The following LIN28B variants were observed in gnomAD, a reference collection of about 807,000 sequenced individuals.
LIN28B encodes the protein lin-28 RNA binding posttranscriptional regulator B.
A neutral mutation model predicts 21.9 loss-of-function variants in LIN28B; 5 were observed. That is an observed-to-expected ratio of 0.23 (90% confidence interval 0.12 to 0.48). The LOEUF (loss-of-function observed/expected upper bound fraction) is 0.48. Among genes scored for constraint, LIN28B ranks in the 20% least tolerant of loss-of-function variants. The probability of loss-of-function intolerance (pLI) is 0.98; values close to 1 mark genes in which losing one functional copy is unlikely to be tolerated. For synonymous variants in LIN28B, 109 were observed against 111.3 expected (o/e 0.98, Z 0.13); for missense variants, 245 against 310.5 (o/e 0.79, Z 1.58).
Position 105,082,913 on chromosome 6 carries a change from C to T in LIN28B, c.*4130C>T, listed in dbSNP as rs544093659. ...CACATCTATCAACCACTGGCACCTA[C>T]CACCAAGCTGGCTTCAATTAGTATG... On this transcript the variant is annotated 3_prime_UTR_variant, in exon 4 of 4. Transcript: ENST00000345080. 7.2e-5 allele frequency: 11 copies of T among 152,768 alleles called. No homozygotes were observed. In the South Asian group the frequency reaches 2.1e-3, roughly 29 times the overall value. The allele number at this position is 152,768 out of a possible 1,614,324, so 9.5% of individuals were successfully genotyped here.
intron 2 of LIN28B, among the ~76,000 whole-genome samples, chr6:104,985,840 GGT>G (rs1170984126): frequency 2.6e-5 from 4 of 152,046 alleles, no homozygotes; most frequent in African/African-American, 9.7e-5. Context: ...TAGATGTCAA[GGT>G]TTATTTGTTT....
chr6:104,938,002 C>A (rs1261404801), intron 2 of LIN28B, among the ~76,000 whole-genome samples: 1 of 121,404 alleles, frequency 8.2e-6, no homozygotes, highest in African/African-American at 3.2e-5. Context: ...TATCTTGCCA[C>A]CAGAAGTCTG....
intron 3 of LIN28B, among the ~76,000 whole-genome samples, chr6:105,056,064 G>C (rs941001483): frequency 6.6e-6 from 1 of 151,386 alleles, no homozygotes; most frequent in Non-Finnish European, 1.5e-5. Flanking sequence ...CCCAGCCTCT[G>C]TTTTTATTTT....
At chr6:104,972,411 A>G (rs1770000053) in intron 2 of LIN28B, among the ~76,000 whole-genome samples, 1 of 152,210 alleles carries the variant, frequency 6.6e-6, no homozygotes, top group African/African-American at 2.4e-5. Flanking sequence ...TTTGGAAGTG[A>G]AAGGGGAAAA....
At chr6:105,031,235 C>A (rs1771416049) in intron 3 of LIN28B, among the ~76,000 whole-genome samples, 1 of 151,964 alleles carries the variant, frequency 6.6e-6, no homozygotes, top group African/African-American at 2.4e-5. Context: ...TTTTACTGGT[C>A]AAATTTCCCA....
chr6:105,001,449 G>T (rs1455540742), intron 2 of LIN28B, among the ~76,000 whole-genome samples: 4 of 152,188 alleles, frequency 2.6e-5, no homozygotes, highest in Non-Finnish European at 5.9e-5. Context: ...TCAGAGCTAG[G>T]TGAGAAAGCT....
chr6:104,973,544 C>T (rs1344355029), intron 2 of LIN28B, among the ~76,000 whole-genome samples: 13 of 152,168 alleles, frequency 8.5e-5, no homozygotes, highest in Non-Finnish European at 1.5e-5. Context: ...CCCCCCACTC[C>T]CCTTTGGGAA....
chr6:104,975,878 C>T (rs540529113), intron 2 of LIN28B, among the ~76,000 whole-genome samples: 95 of 148,286 alleles, frequency 6.4e-4, no homozygotes, highest in East Asian at 5.9e-4. Context: ...GGTTTCACCA[C>T]GTCGTCCAGG....
intron 3 of LIN28B, among the ~76,000 whole-genome samples, chr6:105,034,430 T>A (rs140477127): frequency 6.6e-6 from 1 of 152,148 alleles, no homozygotes; most frequent in Non-Finnish European, 1.5e-5. Flanking sequence ...TAATATATTT[T>A]GTTTAGAAAG....
rs142858041 is a variant in LIN28B at position 104,969,892 on chromosome 6, C to T, written c.198+11606C>T. On this transcript the variant is annotated intron_variant, in intron 2 of 3. Coordinates refer to ENST00000345080, the MANE Select transcript of LIN28B (RefSeq NM_001004317.4). ...TCCAATAATGGTGCAAAGACTACAT[C>T]TAGACCCAGGTTTAAACAAACACAA... 1.2e-3 allele frequency among the ~76,000 whole-genome samples: 180 copies of T among 152,326 alleles called. 2 individuals carry two copies. The East Asian group carries it at 0.03, about 25-fold the overall frequency.
chr6:104,950,046 T>G (rs1778202345), intron 2 of LIN28B, among the ~76,000 whole-genome samples: 5 of 152,150 alleles, frequency 3.3e-5, no homozygotes, highest in Admixed American at 3.3e-4. Flanking sequence ...CTGAAATATA[T>G]CTGAAGAGAA....
intron 3 of LIN28B, among the ~76,000 whole-genome samples, chr6:105,076,806 A>G (rs1237599212): frequency 6.6e-6 from 1 of 151,616 alleles, no homozygotes; most frequent in Non-Finnish European, 1.5e-5. Flanking sequence ...GAGTTTCACC[A>G]TGTTGGCCAG....
At chr6:104,985,383 A>G (rs1770316168) in intron 2 of LIN28B, among the ~76,000 whole-genome samples, 1 of 152,156 alleles carries the variant, frequency 6.6e-6, no homozygotes, top group Non-Finnish European at 1.5e-5. Flanking sequence ...AATATAGTAA[A>G]CTGGGGGAAC....
At chr6:105,074,616 A>G (rs1235935127) in intron 3 of LIN28B, among the ~76,000 whole-genome samples, 2 of 152,238 alleles carry the variant, frequency 1.3e-5, no homozygotes, top group Non-Finnish European at 2.9e-5. Flanking sequence ...TACTTGTAGA[A>G]TATGCTAGCT....
chr6:105,019,322 G>T (rs1009730655), intron 2 of LIN28B, among the ~76,000 whole-genome samples: 9 of 152,158 alleles, frequency 5.9e-5, no homozygotes, highest in Non-Finnish European at 1.0e-4. Flanking sequence ...GGATAGGAAT[G>T]ATTTAAGGTC....
rs183344690 is a variant in LIN28B at position 105,051,422 on chromosome 6, G to A, written c.383+24940G>A. Among the ~76,000 whole-genome samples, 228 of 151,192 alleles carry A rather than the reference G, an allele frequency of 1.5e-3. 5 individuals carry two copies. The highest frequency in any genetic ancestry group is 5.1e-3 in the African/African-American group (211 of 41,090). On this transcript the variant is annotated intron_variant, in intron 3 of 3. Coordinates refer to ENST00000345080, the MANE Select transcript of LIN28B (RefSeq NM_001004317.4). The stretch of plus-strand genomic sequence containing the variant: ...CCATTGCACTCCAGCCTGGGCGACA[G>A]AGCGAGACTCCGTCTGAAAAAAAAA...
At chr6:105,045,003 A>T (rs1458956704) in intron 3 of LIN28B, among the ~76,000 whole-genome samples, 1 of 151,936 alleles carries the variant, frequency 6.6e-6, no homozygotes, top group Non-Finnish European at 1.5e-5. Flanking sequence ...CCTATCTCTT[A>T]AAAAAAATTT....
chr6:105,028,382 A>G (rs1490209159), intron 3 of LIN28B, among the ~76,000 whole-genome samples: 9 of 152,202 alleles, frequency 5.9e-5, no homozygotes, highest in Non-Finnish European at 1.2e-4. Context: ...TGACAGCACA[A>G]TGTGGAGAGG....
At chr6:104,984,419 A>G (rs1435494965) in intron 2 of LIN28B, among the ~76,000 whole-genome samples, 1 of 151,636 alleles carries the variant, frequency 6.6e-6, no homozygotes, top group Admixed American at 6.6e-5. Context: ...TAGCCAAACT[A>G]TGCTTGCAGT....
Sources: allele counts gnomAD v4.1 joint callset (sites outside exome capture counted in the v4.1 genomes callset), GRCh38; gene constraint gnomAD v4.1.1; transcripts MANE v1.5; gene names NCBI Gene and HGNC (gene_info 2026-07-23, HGNC 2026-07-21).